ROBO2: variants seen among roughly 807,000 people sequenced by gnomAD.
The protein encoded by ROBO2 is roundabout guidance receptor 2.
ROBO2 carries 53 observed loss-of-function variants against 160.8 expected under a neutral mutation model. The observed-to-expected ratio is 0.33, with a 90% CI of 0.26 to 0.41. ROBO2 has a LOEUF of 0.41. Ranked by LOEUF, ROBO2 falls within the 10% of genes least tolerant of loss-of-function variation. The probability of loss-of-function intolerance (pLI) is 1.00; values close to 1 mark genes in which losing one functional copy is unlikely to be tolerated. For synonymous variants in ROBO2, 664 were observed against 611.7 expected (o/e 1.09, Z -1.26); for missense variants, 1,577 against 1,722.4 (o/e 0.92, Z 1.49).
rs558823661 is a variant in ROBO2 at position 76,345,442 on chromosome 3, T to TTTC, written c.109+407842_109+407843insCTT. On this transcript the variant is annotated intron_variant, in intron 2 of 26. Transcript: ENST00000487694. ...CAGGATATCTTTTTTCTTTTCTTTC[T>TTTC]TTTTTTTTTTTTTTTTTAAGCACAG... Among the ~76,000 whole-genome samples, 29 of 7,594 alleles carry TTTC rather than the reference T, an allele frequency of 3.8e-3. No individual in the cohort carries two copies. In the South Asian group the frequency reaches 0.27, roughly 71 times the overall value. The allele number at this position is 7,594 out of a possible 152,430, so 5.0% of individuals were successfully genotyped here. A position where few individuals can be genotyped will look rare whatever the true frequency, so the allele number is the denominator to read the frequency against.
intron 2 of ROBO2, among the ~76,000 whole-genome samples, chr3:76,084,192 T>A (rs1011162368): frequency 6.6e-6 from 1 of 152,108 alleles, no homozygotes; most frequent in Non-Finnish European, 1.5e-5. Flanking sequence ...TGTAGAAGAA[T>A]GCAAATCTGA....
chr3:76,090,121 T>C (rs1270257001), intron 2 of ROBO2, among the ~76,000 whole-genome samples: 2 of 152,100 alleles, frequency 1.3e-5, no homozygotes, highest in Non-Finnish European at 2.9e-5. Context: ...TAACAAAATA[T>C]GTACAAAATC....
At chr3:77,632,335 A>G (rs1372959399) in intron 23 of ROBO2, 12 of 609,850 alleles carry the variant, frequency 2.0e-5, no homozygotes, top group Admixed American at 3.2e-5. Context: ...TGTACATGAT[A>G]CTTGCATTTG....
intron 2 of ROBO2, among the ~76,000 whole-genome samples, chr3:76,866,940 C>A (rs2071434682): frequency 6.6e-6 from 1 of 152,124 alleles, no homozygotes; most frequent in South Asian, 2.1e-4. Context: ...TATGTTAATT[C>A]TTCAGCCATT....
intron 2 of ROBO2, among the ~76,000 whole-genome samples, chr3:76,725,090 T>A (rs1184847715): frequency 6.6e-6 from 1 of 152,208 alleles, no homozygotes. Context: ...CCTCCGTAAC[T>A]GTGAGAAAAT....
chr3:77,313,268 T>A (rs1309245977), intron 2 of ROBO2, among the ~76,000 whole-genome samples: 1 of 152,184 alleles, frequency 6.6e-6, no homozygotes, highest in African/African-American at 2.4e-5. Context: ...TTGTACATAT[T>A]TGTGAGGTAT....
At chr3:77,300,133 C>G (rs371343240) in intron 2 of ROBO2, among the ~76,000 whole-genome samples, 1 of 150,968 alleles carries the variant, frequency 6.6e-6, no homozygotes, top group Admixed American at 6.6e-5. Flanking sequence ...AGATTTACAG[C>G]AAAAGGGAAA....
At chr3:76,038,968 A>G (rs1559857820) in intron 2 of ROBO2, among the ~76,000 whole-genome samples, 1 of 151,990 alleles carries the variant, frequency 6.6e-6, no homozygotes, top group Admixed American at 6.6e-5. Flanking sequence ...TGGACTGTGT[A>G]GAGGAATAAG....
chr3:77,561,945 A>T (rs889596383), intron 9 of ROBO2, among the ~76,000 whole-genome samples: 1 of 151,942 alleles, frequency 6.6e-6, no homozygotes, highest in African/African-American at 2.4e-5. Flanking sequence ...CTCTACTAAA[A>T]ATACAATGTT....
chr3:76,192,121 C>A (rs1292220535), intron 2 of ROBO2, among the ~76,000 whole-genome samples: 3 of 151,944 alleles, frequency 2.0e-5, no homozygotes, highest in African/African-American at 7.3e-5. Flanking sequence ...GATTGGCTTA[C>A]AAATCCTGCC....
intron 2 of ROBO2, among the ~76,000 whole-genome samples, chr3:76,414,132 C>G (rs1040280108): frequency 3.3e-5 from 5 of 150,576 alleles, no homozygotes; most frequent in African/African-American, 1.2e-4. Flanking sequence ...AAGAACAGCC[C>G]CCATGATTCA....
At chr3:77,216,337 C>T (rs1221986220) in intron 2 of ROBO2, among the ~76,000 whole-genome samples, 1 of 152,146 alleles carries the variant, frequency 6.6e-6, no homozygotes, top group Non-Finnish European at 1.5e-5. Context: ...GCTGTGCTAG[C>T]AATGAGCAAG....
At chr3:76,419,731 G>A (rs1238581773) in intron 2 of ROBO2, among the ~76,000 whole-genome samples, 1 of 152,142 alleles carries the variant, frequency 6.6e-6, no homozygotes, top group Non-Finnish European at 1.5e-5. Context: ...GGGCGATTTA[G>A]CCTCATATTT....
chr3:76,924,934 C>T (rs1253042943), intron 2 of ROBO2, among the ~76,000 whole-genome samples: 3 of 152,046 alleles, frequency 2.0e-5, no homozygotes, highest in East Asian at 1.9e-4. Flanking sequence ...TGCGGCCGGG[C>T]GCGGTGGCTC....
At chr3:77,004,075 C>T (rs1325933964) in intron 2 of ROBO2, among the ~76,000 whole-genome samples, 2 of 152,078 alleles carry the variant, frequency 1.3e-5, no homozygotes, top group Non-Finnish European at 2.9e-5. Flanking sequence ...TTTTTAAAAA[C>T]TTTGAAAATC....
Position 76,446,051 on chromosome 3 carries a change from A to G in ROBO2, c.109+508449A>G, listed in dbSNP as rs191193298. ...GAAGTTCTGGCCAGGGCAATCAGGC[A>G]GGAGAAAGAAATAAATGGTATTCAA... On this transcript the variant is annotated intron_variant, in intron 2 of 26. Coordinates refer to the ROBO2 transcript ENST00000487694. 1.2e-4 allele frequency among the ~76,000 whole-genome samples: 18 copies of G among 152,284 alleles called. No homozygotes were observed. In the East Asian group the frequency reaches 2.1e-3, roughly 18 times the overall value.
chr3:76,935,894 C>A (rs145149842), intron 2 of ROBO2, among the ~76,000 whole-genome samples: 2 of 152,142 alleles, frequency 1.3e-5, no homozygotes, highest in African/African-American at 4.8e-5. Flanking sequence ...GCTCTCAAGA[C>A]CTCATCACCC....
intron 2 of ROBO2, among the ~76,000 whole-genome samples, chr3:75,962,320 A>G (rs1212370950): frequency 2.0e-5 from 3 of 151,798 alleles, no homozygotes; most frequent in African/African-American, 7.2e-5. Flanking sequence ...TATGTCACCA[A>G]AGTTGTAATG....
chr3:76,320,582 C>G (rs760081884), intron 2 of ROBO2, among the ~76,000 whole-genome samples: 3 of 152,186 alleles, frequency 2.0e-5, no homozygotes, highest in Non-Finnish European at 4.4e-5. Flanking sequence ...TGTGAAATCT[C>G]TAATGTAATA....
Sources: gnomAD v4.1 joint callset for allele counts (sites outside exome capture counted in the v4.1 genomes callset) on GRCh38, gnomAD v4.1.1 for gene constraint, MANE v1.5 for transcripts, NCBI Gene and HGNC (gene_info 2026-07-23, HGNC 2026-07-21) for gene names.